DYNLT3: variants seen among roughly 807,000 people sequenced by gnomAD.
The protein encoded by DYNLT3 is protein 91/23.
Under a neutral mutation model 11.0 loss-of-function variants are expected in DYNLT3, and 4 were observed. The observed-to-expected ratio is 0.36, with a 90% CI of 0.18 to 0.83. The LOEUF is 0.83. Ranked by LOEUF, DYNLT3 falls within the 40% of genes least tolerant of loss-of-function variation. DYNLT3 has a pLI of 0.47. For missense variants in DYNLT3, 91 were observed against 91.1 expected, an observed-to-expected ratio of 1.00 and a Z score of 0.01; for synonymous variants, 37 against 31.2, an observed-to-expected ratio of 1.18 and a Z score of -0.61.
rs778478626 is a variant in DYNLT3, at chrX:37,841,919, G to A, written c.73-14C>T. The A allele has an allele frequency of 9.2e-7, 1 of 1,091,051 alleles. No individual in the cohort carries two copies. Among genetic ancestry groups the A allele is most frequent in the Non-Finnish European group, 1.2e-6 (1 of 822,138 alleles). The allele number at this position is 1,091,051 out of a possible 1,213,427, so 89.9% of individuals were successfully genotyped here. ...CCCATCTACACACTAAAAGGGCACA[G>A]AGGGCAGTTAATTTAGTCAGTAAAA... On this transcript the variant is annotated splice_polypyrimidine_tract_variant and intron_variant, in intron 2 of 4. Transcript: ENST00000378578.
rs1418087398 is a variant in DYNLT3, at chrX:37,840,569, A to C, written c.*6T>G. 1 of 1,186,237 alleles carries C rather than the reference A, an allele frequency of 8.4e-7. No homozygotes were observed. Among genetic ancestry groups the C allele is most frequent in the African/African-American group, 1.8e-5 (1 of 55,888 alleles). On this transcript the variant is annotated 3_prime_UTR_variant, in exon 5 of 5. Coordinates refer to ENST00000378578, the MANE Select transcript of DYNLT3 (RefSeq NM_006520.3). ...TTAATGGCTTTAGCCCAACATTTTT[A>C]GTCAGTTAAAGAACAATAGCAATGG...
At chrX:37,846,903 T>C in intron 1 of DYNLT3, 1 of 861,653 alleles carries the variant, frequency 1.2e-6, no homozygotes, top group South Asian at 2.2e-5. Context: ...AACTTAGTCT[T>C]TTCTTTGGAG....
In DYNLT3 at chrX:37,840,396, G is replaced by C. The variant is rs1229164724; in HGVS notation, c.*179C>G. 2.9e-6 allele frequency: 1 copy of C among 340,406 alleles called. No individual in the cohort carries two copies. Among genetic ancestry groups the C allele is most frequent in the African/African-American group, 2.7e-5 (1 of 37,136 alleles). 28.1% of individuals were successfully genotyped at this position (340,406 alleles called of 1,213,427 possible). A position where few individuals can be genotyped will look rare whatever the true frequency, so the allele number is the denominator to read the frequency against. ...ATTTAAACGATGCTGTATAGAATAT[G>C]AGCTAATCTGCCAATTACTATGATA... On this transcript the variant is annotated 3_prime_UTR_variant, in exon 5 of 5. Transcript: ENST00000378578.
intron 1 of DYNLT3, chrX:37,846,942 T>A (rs1257014826): frequency 1.8e-6 from 2 of 1,103,116 alleles, no homozygotes; most frequent in Non-Finnish European, 2.4e-6. Context: ...AGATAACAAC[T>A]GACATCATGG....
chrX:37,840,809 C>T (rs12387587), intron 4 of DYNLT3, among the ~76,000 whole-genome samples, 158 bp from the exon 5 acceptor site: 86 of 52,897 alleles, frequency 1.6e-3, no homozygotes, highest in African/African-American at 0.016. Context: ...TATATATATA[C>T]ACATACATTT....
chrX:37,841,632 T>C lies in DYNLT3; in HGVS notation c.196+150A>G, dbSNP rs569878555. 23 of 574,998 alleles carry C rather than the reference T, an allele frequency of 4.0e-5. No homozygotes were observed. In the South Asian group the frequency reaches 1.9e-3, roughly 47 times the overall value. 47.4% of individuals were successfully genotyped at this position (574,998 alleles called of 1,213,427 possible). A position where few individuals can be genotyped will look rare whatever the true frequency, so the allele number is the denominator to read the frequency against. ...GATCTTCATCTTTTAAGTATTATTATAGATTATCTTTGAATGAGTAAATCA... is the reference window on the plus strand; with the variant it reads ...GATCTTCATCTTTTAAGTATTATTACAGATTATCTTTGAATGAGTAAATCA... On this transcript the variant is annotated intron_variant, in intron 3 of 4. Coordinates refer to ENST00000378578, the MANE Select transcript of DYNLT3 (RefSeq NM_006520.3).
chrX:37,841,051 C>T lies in DYNLT3; in HGVS notation c.251G>A (p.Cys84Tyr), dbSNP rs1256302320. The T allele has an allele frequency of 4.1e-6, 5 of 1,210,490 alleles. No individual in the cohort carries two copies. Among genetic ancestry groups the T allele is most frequent in the Admixed American group, 2.2e-5 (1 of 45,848 alleles). The change falls in exon 4 of 5, where the codon TGT (cysteine) becomes TAT (tyrosine). Residue 84 changes from cysteine (C) to tyrosine (Y), a missense_variant. By Grantham distance (194) the Cys-to-Tyr change is radical. Transcript: ENST00000378578. Reference protein sequence around the residue: ...SAYGFHTASSCFWDTTSDGTC... With the variant: ...SAYGFHTASSYFWDTTSDGTC... ...ACCATCAGATGTGGTATCCCAAAAA[C>T]AGGAGCTGGCTGTGTGAAAGCCATA... is the stretch of plus-strand genomic sequence containing the variant.
At chrX:37,845,176 G>C (rs1170203370) in intron 2 of DYNLT3, among the ~76,000 whole-genome samples, 1 of 111,715 alleles carries the variant, frequency 9.0e-6, no homozygotes, top group Non-Finnish European at 1.9e-5. Context: ...CATTGTAAAG[G>C]TATTAAAAAC....
At chrX:37,840,782 ACACACAC>A in intron 4 of DYNLT3, 131 bp from the exon 5 acceptor site, 4 of 395,643 alleles carry the variant, frequency 1.0e-5, no homozygotes, top group Non-Finnish European at 1.6e-5. Flanking sequence ...ACACACACAC[ACACACAC>A]ATATATATAT....
At chrX:37,843,724 GTC>G (rs904350073) in intron 2 of DYNLT3, among the ~76,000 whole-genome samples, 3 of 111,693 alleles carry the variant, frequency 2.7e-5, no homozygotes, top group African/African-American at 9.8e-5. Context: ...ATAAATGGGT[GTC>G]TCTGAGTTCA....
At chrX:37,844,235 C>A (rs900941210) in intron 2 of DYNLT3, among the ~76,000 whole-genome samples, 1 of 112,068 alleles carries the variant, frequency 8.9e-6, no homozygotes, top group African/African-American at 3.2e-5. Flanking sequence ...AAGCATGATT[C>A]TTTTAATTTG....
chrX:37,845,623 T>G (rs1029571276), intron 2 of DYNLT3, among the ~76,000 whole-genome samples: 1 of 112,581 alleles, frequency 8.9e-6, no homozygotes, highest in African/African-American at 3.2e-5. Context: ...ATATTATACA[T>G]ATACTTTACA....
intron 1 of DYNLT3, chrX:37,847,095 G>A: frequency 1.7e-6 from 2 of 1,164,239 alleles, no homozygotes; most frequent in South Asian, 3.8e-5. Flanking sequence ...AGCCATGGGG[G>A]CTGCAGCACC....
In DYNLT3 at chrX:37,840,387, A is replaced by G; in HGVS notation, c.*188T>C. On this transcript the variant is annotated 3_prime_UTR_variant, in exon 5 of 5. Coordinates refer to ENST00000378578, the MANE Select transcript of DYNLT3 (RefSeq NM_006520.3). The stretch of plus-strand genomic sequence containing the variant: ...ATTTTTCCTATTTAAACGATGCTGT[A>G]TAGAATATGAGCTAATCTGCCAATT... 3.1e-6 allele frequency: 1 copy of G among 323,705 alleles called. No homozygotes were observed. Among genetic ancestry groups the G allele is most frequent in the Non-Finnish European group, 5.5e-6 (1 of 182,593 alleles). 26.7% of individuals were successfully genotyped at this position (323,705 alleles called of 1,213,427 possible).
chrX:37,840,749 TATAC>T (rs1930130939), intron 4 of DYNLT3, 98 bp from the exon 5 acceptor site: 2 of 393,278 alleles, frequency 5.1e-6, no homozygotes, highest in South Asian at 5.9e-5. Context: ...CACACACACA[TATAC>T]ACACACACAC....
intron 2 of DYNLT3, 53 bp from the exon 3 acceptor site, chrX:37,841,958 A>G: frequency 1.0e-6 from 1 of 1,004,397 alleles, no homozygotes. Flanking sequence ...TTCAAAAAGA[A>G]CAATTTTTAC....
At chrX:37,846,688 C>T (rs1004213960) in intron 1 of DYNLT3, among the ~76,000 whole-genome samples, 1 of 111,280 alleles carries the variant, frequency 9.0e-6, no homozygotes, top group Non-Finnish European at 1.9e-5. Flanking sequence ...TGTTATGTGT[C>T]ATAAGAATAT....
At chrX:37,842,392 A>G (rs758901483) in intron 2 of DYNLT3, among the ~76,000 whole-genome samples, 1 of 109,965 alleles carries the variant, frequency 9.1e-6, no homozygotes, top group South Asian at 3.7e-4. Context: ...TATACTAATT[A>G]TATTCTCATT....
intron 4 of DYNLT3, 122 bp downstream of exon 4, chrX:37,840,906 A>G (rs1207134599): frequency 9.4e-6 from 7 of 742,025 alleles, no homozygotes; most frequent in Non-Finnish European, 1.2e-5. Flanking sequence ...TACTAGGTAC[A>G]AAGCAATACT....
Sources: allele counts gnomAD v4.1 joint callset (sites outside exome capture counted in the v4.1 genomes callset), GRCh38; gene constraint gnomAD v4.1.1; transcripts MANE v1.5; gene names NCBI Gene and HGNC (gene_info 2026-07-23, HGNC 2026-07-21).